The following C11orf54 variants were observed in gnomAD, a reference collection of about 807,000 sequenced individuals.
C11orf54 encodes the protein beta-keto L-gulonate decarboxylase.
Under a neutral mutation model 35.5 loss-of-function variants are expected in C11orf54, and 29 were observed. The ratio of observed to expected loss-of-function variants is 0.82; its 90% CI spans 0.61 to 1.11. The LOEUF (loss-of-function observed/expected upper bound fraction) is 1.11. C11orf54 is among the 50% of genes most tolerant of loss of function. The pLI is 0.00. For missense variants in C11orf54, 373 were observed against 369.2 expected, an observed-to-expected ratio of 1.01 and a Z score of -0.08; for synonymous variants, 108 against 121.1, an observed-to-expected ratio of 0.89 and a Z score of 0.71.
rs772084598 is a variant in C11orf54 at position 93,761,625 on chromosome 11, A to T, written c.885A>T (p.Leu295Phe). The change falls in exon 9 of 9, where the codon TTA (leucine) becomes TTT (phenylalanine). Residue 295 changes from leucine to phenylalanine, a missense_variant. By Grantham distance (22) the Leu-to-Phe change is conservative (BLOSUM62 0). Coordinates refer to ENST00000354421, the MANE Select transcript of C11orf54 (RefSeq NM_001286069.2). ...TAGTGGAATATCTTGGATACTTCTT[A>T]CCTGCAGAGTTTCTCTATCGCATTG... ...PDIVEYLGYF[L>F]PAEFLYRIDQ... The T allele has an allele frequency of 5.6e-6, 9 of 1,613,392 alleles. No individual in the cohort carries two copies. The East Asian group carries it at 1.8e-4, about 32-fold the overall frequency.
Position 93,750,383 on chromosome 11 carries a change from C to T in C11orf54, c.93C>T (p.Val31=). The change falls in exon 3 of 9, where the codon GTC becomes GTT. Residue 31 remains valine, a synonymous_variant. Transcript: ENST00000354421. The part of the protein sequence containing the change: ...QKGLKDNFAD[V]QVSVVDCPDL... ...GGTTAAAAGATAACTTTGCTGATGT[C>T]CAGGTCTCTGTAGTTGATTGCCCTG... The T allele has an allele frequency of 2.5e-6, 4 of 1,613,794 alleles. No individual in the cohort carries two copies. Among genetic ancestry groups the T allele is most frequent in the Non-Finnish European group, 3.4e-6 (4 of 1,179,856 alleles).
rs5793655 is a variant in C11orf54, at chr11:93,756,489, T to TA, written c.508-811dup. Among the ~76,000 whole-genome samples, 657 of 137,214 alleles carry TA rather than the reference T, an allele frequency of 4.8e-3. 3 individuals carry two copies. The highest frequency in any genetic ancestry group is 0.016 in the African/African-American group (576 of 36,550). The allele number at this position is 137,214 out of a possible 152,430, so 90.0% of individuals were successfully genotyped here. A position where few individuals can be genotyped will look rare whatever the true frequency, so the allele number is the denominator to read the frequency against. On this transcript the variant is annotated intron_variant, in intron 6 of 8. Coordinates refer to ENST00000354421, the MANE Select transcript of C11orf54 (RefSeq NM_001286069.2). ...ACCTAGGTGACAGCAAGACCTGTCT[T>TA]AAAAAAAAAAAAAAAAGACTACTTA...
Position 93,759,335 on chromosome 11 carries a change from G to A in C11orf54, c.658-407G>A, listed in dbSNP as rs1391544391. 7.2e-5 allele frequency among the ~76,000 whole-genome samples: 11 copies of A among 152,164 alleles called. 1 individual carries two copies. The highest frequency in any genetic ancestry group is 2.9e-5 in the Non-Finnish European group (2 of 68,038). Reference sequence around the variant, plus strand: ...CAGCCATAAAAAAGGATGAATTTATGTCCTTTTCAGGGACATGGATGAAGC... The same window carrying A: ...CAGCCATAAAAAAGGATGAATTTATATCCTTTTCAGGGACATGGATGAAGC... On this transcript the variant is annotated intron_variant, in intron 7 of 8. Coordinates refer to ENST00000354421, the MANE Select transcript of C11orf54 (RefSeq NM_001286069.2).
chr11:93,753,559 C>T, intron 3 of C11orf54, 123 bp from the exon 4 acceptor site: 1 of 787,558 alleles, frequency 1.3e-6, no homozygotes, highest in East Asian at 2.7e-5. Flanking sequence ...GTCTTCCAAT[C>T]CCTGTTATTT....
chr11:93,747,378 C>T lies in C11orf54; in HGVS notation c.-16C>T, dbSNP rs1465141307. ...TAGCTCTATTTGTCCAACCTCACAC[C>T]TAAAGAAGAAAGAAAATGGCTTGTG... On this transcript the variant is annotated 5_prime_UTR_variant, in exon 2 of 9. Coordinates refer to ENST00000354421, the MANE Select transcript of C11orf54 (RefSeq NM_001286069.2). 3.8e-6 allele frequency: 6 copies of T among 1,581,442 alleles called. No homozygotes were observed. Among genetic ancestry groups the T allele is most frequent in the Non-Finnish European group, 5.1e-6 (6 of 1,166,404 alleles).
Position 93,753,993 on chromosome 11 carries a change from G to A in C11orf54, c.286G>A (p.Gly96Arg), listed in dbSNP as rs765809444. 2.5e-6 allele frequency: 4 copies of A among 1,614,076 alleles called. No individual in the cohort carries two copies. In the South Asian group the frequency reaches 3.3e-5, roughly 13 times the overall value. ...CAAGCTGCCTGGAGCCTTTATTCTT[G>A]GAGCAGGAGCAGGTCCATTTCAGAC... is the stretch of plus-strand genomic sequence containing the variant. ...EIKLPGAFIL[G>R]AGAGPFQTLG... Residue 96 changes from glycine to arginine, a missense_variant, in exon 5 of 9, where the codon GGA becomes AGA. Coordinates refer to ENST00000354421, the MANE Select transcript of C11orf54 (RefSeq NM_001286069.2).
Position 93,753,661 on chromosome 11 carries a change from TGTTTTTTG to T in C11orf54, c.155-13_155-6del, listed in dbSNP as rs754223463. On this transcript the variant is annotated splice_polypyrimidine_tract_variant and intron_variant, in intron 3 of 8. Coordinates refer to ENST00000354421, the MANE Select transcript of C11orf54 (RefSeq NM_001286069.2). ...CTGTTTTTAAGGTGGCTTGTGTTTT[TGTTTTTTG>T]GTTTTTTCTTAGGCATCTGTGGGAA... 7 of 1,612,124 alleles carry T rather than the reference TGTTTTTTG, an allele frequency of 4.3e-6. No homozygotes were observed. Among genetic ancestry groups the T allele is most frequent in the Non-Finnish European group, 4.2e-6 (5 of 1,178,944 alleles).
In C11orf54 at chr11:93,757,419, G is replaced by A; in HGVS notation, c.611G>A (p.Gly204Glu). 2 of 1,598,262 alleles carry A rather than the reference G, an allele frequency of 1.3e-6. No homozygotes were observed. Among genetic ancestry groups the A allele is most frequent in the South Asian group, 1.1e-5 (1 of 91,074 alleles). ...KHYGNKPIGM[G>E]GTFIIQKGKV... ...TATGGAAATAAGCCTATAGGAATGGGAGGTACTTTCATAATTCAGAAGGGA... is the reference window on the plus strand; with the variant it reads ...TATGGAAATAAGCCTATAGGAATGGAAGGTACTTTCATAATTCAGAAGGGA... Residue 204 changes from glycine (G) to glutamate (E), a missense_variant, in exon 7 of 9, where the codon GGA (glycine) becomes GAA (glutamate). Physicochemically the swap from Gly to Glu is moderately conservative, Grantham distance 98. Coordinates refer to ENST00000354421, the MANE Select transcript of C11orf54 (RefSeq NM_001286069.2).
intron 1 of C11orf54, among the ~76,000 whole-genome samples, chr11:93,743,289 C>T (rs1565252651): frequency 6.6e-6 from 1 of 152,018 alleles, no homozygotes; most frequent in Non-Finnish European, 1.5e-5. Context: ...GCGTGAATCA[C>T]CGCGCCCGGC....
In C11orf54 at chr11:93,758,076, C is replaced by A. The variant is rs904700774; in HGVS notation, c.657+611C>A. Among the ~76,000 whole-genome samples the A allele has an allele frequency of 3.3e-5, 5 of 152,120 alleles. No individual in the cohort carries two copies. In the South Asian group the frequency reaches 8.3e-4, roughly 25 times the overall value. The stretch of plus-strand genomic sequence containing the variant: ...TGTAATCCCAGCACTTTGGGAGGCC[C>A]AGGTGGGAGGACCGCTGGAGGCCAG... On this transcript the variant is annotated intron_variant, in intron 7 of 8. Transcript: ENST00000354421.
At position 93,747,503 on chromosome 11, in the gene C11orf54, T is replaced by C; in HGVS notation, c.55+55T>C. ...AAAATTATCCCAAGAGAAAATTCTT[T>C]TAAAAAGATTCTAAGATCTATCTAT... On this transcript the variant is annotated intron_variant, in intron 2 of 8. Coordinates refer to ENST00000354421, the MANE Select transcript of C11orf54 (RefSeq NM_001286069.2). The C allele has an allele frequency of 9.4e-6, 13 of 1,385,448 alleles. No individual in the cohort carries two copies. In the South Asian group the frequency reaches 1.6e-4, roughly 18 times the overall value. 85.8% of individuals were successfully genotyped at this position (1,385,448 alleles called of 1,614,324 possible).
At position 93,754,050 on chromosome 11, in the gene C11orf54, A is replaced by T; in HGVS notation, c.330+13A>T. 6.3e-7 allele frequency: 1 copy of T among 1,598,570 alleles called. No individual in the cohort carries two copies. The highest frequency in any genetic ancestry group is 8.5e-7 in the Non-Finnish European group (1 of 1,171,964). On this transcript the variant is annotated intron_variant, in intron 5 of 8. Coordinates refer to ENST00000354421, the MANE Select transcript of C11orf54 (RefSeq NM_001286069.2). ...GTTCAATTCTGAGGTCAGCATATAT[A>T]AGAAAATTATTTTACTTTATTGGTT... is the stretch of plus-strand genomic sequence containing the variant.
intron 1 of C11orf54, among the ~76,000 whole-genome samples, chr11:93,745,305 G>T (rs192358446): frequency 3.6e-4 from 55 of 152,272 alleles, no homozygotes; most frequent in African/African-American, 1.3e-3. Context: ...CTGTCTCAGT[G>T]GGGGGAATTC....
At chr11:93,758,897 G>C (rs1210939725) in intron 7 of C11orf54, among the ~76,000 whole-genome samples, 1 of 152,244 alleles carries the variant, frequency 6.6e-6, no homozygotes, top group Admixed American at 6.5e-5. Flanking sequence ...TGGGGGCCCA[G>C]CTGCCAATCC....
chr11:93,752,965 C>A (rs140167382), intron 3 of C11orf54, among the ~76,000 whole-genome samples: 1 of 151,882 alleles, frequency 6.6e-6, no homozygotes, highest in Non-Finnish European at 1.5e-5. Flanking sequence ...CCAGGATGGT[C>A]GCGATCTCCT....
chr11:93,749,453 C>A (rs550171720), intron 2 of C11orf54, among the ~76,000 whole-genome samples: 1 of 149,038 alleles, frequency 6.7e-6, no homozygotes, highest in African/African-American at 2.5e-5. Flanking sequence ...TACCACTGCA[C>A]TCCAGTCTGG....
Position 93,760,905 on chromosome 11 carries a change from C to T in C11orf54, c.775-610C>T, listed in dbSNP as rs982741612. On this transcript the variant is annotated intron_variant, in intron 8 of 8. Coordinates refer to ENST00000354421, the MANE Select transcript of C11orf54 (RefSeq NM_001286069.2). ...AGCTCCTGACCTCAAGTGATCCGCC[C>T]GCCTCAGCCTCCCAAAGTGGTGGGA... is the stretch of plus-strand genomic sequence containing the variant. 1.3e-5 allele frequency among the ~76,000 whole-genome samples: 2 copies of T among 152,062 alleles called. 1 individual carries two copies. The highest frequency in any genetic ancestry group is 4.8e-5 in the African/African-American group (2 of 41,398).
chr11:93,754,062 T>C lies in C11orf54; in HGVS notation c.330+25T>C, dbSNP rs200916707. The C allele has an allele frequency of 2.1e-4, 336 of 1,582,990 alleles. 3 individuals are homozygous for C. The African/African-American group carries it at 3.8e-3, about 18-fold the overall frequency. ...GGTCAGCATATATAAGAAAATTATT[T>C]TACTTTATTGGTTTGACATTTGGTT... is the stretch of plus-strand genomic sequence containing the variant. On this transcript the variant is annotated intron_variant, in intron 5 of 8. Coordinates refer to ENST00000354421, the MANE Select transcript of C11orf54 (RefSeq NM_001286069.2).
chr11:93,743,414 C>T (rs1020454141), intron 1 of C11orf54, among the ~76,000 whole-genome samples: 2 of 152,198 alleles, frequency 1.3e-5, no homozygotes, highest in Non-Finnish European at 2.9e-5. Flanking sequence ...CTTGCGGCTG[C>T]GGTGCCTCAC....
Sources: allele counts gnomAD v4.1 joint callset (sites outside exome capture counted in the v4.1 genomes callset), GRCh38; gene constraint gnomAD v4.1.1; transcripts MANE v1.5; gene names NCBI Gene and HGNC (gene_info 2026-07-23, HGNC 2026-07-21).